The following KIAA1549 variants were observed in gnomAD, a reference collection of about 807,000 sequenced individuals.
The protein encoded by KIAA1549 is UPF0606 protein KIAA1549.
A neutral mutation model predicts 156.4 loss-of-function variants in KIAA1549; 70 were observed. The ratio of observed to expected loss-of-function variants is 0.45; its 90% CI spans 0.37 to 0.55. KIAA1549 has a LOEUF of 0.55. Ranked by LOEUF, KIAA1549 falls within the 20% of genes least tolerant of loss-of-function variation. The pLI, the probability that KIAA1549 is intolerant of heterozygous loss-of-function variation, is 0.00. For synonymous variants in KIAA1549, 1,103 were observed against 1,066.4 expected (o/e 1.03, Z -0.67); for missense variants, 2,428 against 2,540.9 (o/e 0.96, Z 0.96).
chr7:138,854,442 C>T (rs1810324550), intron 16 of KIAA1549, among the ~76,000 whole-genome samples: 1 of 152,168 alleles, frequency 6.6e-6, no homozygotes, highest in African/African-American at 2.4e-5. Context: ...ATACATAACA[C>T]TCCTACCCTC....
intron 14 of KIAA1549, among the ~76,000 whole-genome samples, chr7:138,868,356 G>A (rs1376594470): frequency 6.6e-6 from 1 of 152,200 alleles, no homozygotes; most frequent in African/African-American, 2.4e-5. Context: ...AAAGCCATTT[G>A]TAATCATGAC....
rs1809693288 is a variant in KIAA1549, at chr7:138,835,943, A to T, written c.*1963T>A. 4.7e-6 allele frequency: 1 copy of T among 214,358 alleles called. No homozygotes were observed. Among genetic ancestry groups the T allele is most frequent in the South Asian group, 1.9e-4 (1 of 5,362 alleles). 13.3% of individuals were successfully genotyped at this position (214,358 alleles called of 1,614,324 possible). A position where few individuals can be genotyped will look rare whatever the true frequency, so the allele number is the denominator to read the frequency against. On this transcript the variant is annotated 3_prime_UTR_variant, in exon 20 of 20. Coordinates refer to ENST00000422774, the MANE Select transcript of KIAA1549 (RefSeq NM_001164665.2). ...AGGTGCCCAGATGAAAACTGGCTACATCTTACCTTCCCAGAACCAACTTCC... is the reference window on the plus strand; with the variant it reads ...AGGTGCCCAGATGAAAACTGGCTACTTCTTACCTTCCCAGAACCAACTTCC...
intron 1 of KIAA1549, among the ~76,000 whole-genome samples, chr7:138,924,182 C>CTTTTTTTTTT (rs1233229501): frequency 5.4e-5 from 5 of 92,258 alleles, no homozygotes; most frequent in African/African-American, 1.1e-4. Context: ...CTTTTCTTTT[C>CTTTTTTTTTT]TTTTTTTTTT....
Position 138,916,766 on chromosome 7 carries a change from C to T in KIAA1549, c.2860G>A (p.Ala954Thr). The change falls in exon 2 of 20, where the codon GCC becomes ACC. Residue 954 changes from alanine (A) to threonine (T), a missense_variant. This residue lies in a region of KIAA1549 where 762 missense variants were observed against 901.6 expected (regional missense o/e 0.85). Coordinates refer to ENST00000422774, the MANE Select transcript of KIAA1549 (RefSeq NM_001164665.2). ...GCCTTACCAGTTGTGATCAGATAGGCATCGGGGACTGTGATATCACAAACA... is the reference window on the plus strand; with the variant it reads ...GCCTTACCAGTTGTGATCAGATAGGTATCGGGGACTGTGATATCACAAACA... ...PYVCDITVPD[A>T]YLITTVLARR... 1 of 1,613,948 alleles carries T rather than the reference C, an allele frequency of 6.2e-7. No individual in the cohort carries two copies. The highest frequency in any genetic ancestry group is 8.5e-7 in the Non-Finnish European group (1 of 1,179,844).
At chr7:138,916,635 TG>T in intron 2 of KIAA1549, 112 bp downstream of exon 2, 2 of 1,491,948 alleles carry the variant, frequency 1.3e-6, no homozygotes, top group Non-Finnish European at 1.8e-6. Flanking sequence ...GGGAGTTAAC[TG>T]AGCCCAGCGC....
Position 138,838,057 on chromosome 7 carries a change from C to T in KIAA1549, c.5702G>A (p.Arg1901Gln), listed in dbSNP as rs1218121780. 1.0e-5 allele frequency: 16 copies of T among 1,597,890 alleles called. No individual in the cohort carries two copies. The highest frequency in any genetic ancestry group is 2.3e-5 in the South Asian group (2 of 88,294). The stretch of plus-strand genomic sequence containing the variant: ...ACCCAGCCCAGGGCCCTGCAGTCCC[C>T]GGTGGGGGAGGTTCCCGGAAGGAGC... ...PSAPSGNLPH[R>Q]GLQGPGLGYP... Residue 1901 changes from arginine (R) to glutamine (Q), a missense_variant, in exon 20 of 20, where the codon CGG (arginine) becomes CAG (glutamine). Around this residue, in one of 5 missense-constraint regions of KIAA1549, gnomAD observed 363 missense variants for 354.0 expected, o/e 1.03. Coordinates refer to ENST00000422774, the MANE Select transcript of KIAA1549 (RefSeq NM_001164665.2).
intron 1 of KIAA1549, among the ~76,000 whole-genome samples, chr7:138,932,381 C>A (rs888941835): frequency 6.6e-6 from 1 of 151,098 alleles, no homozygotes; most frequent in Admixed American, 6.6e-5. Context: ...AGAAAGACAG[C>A]ATGTCTGGAA....
chr7:138,869,787 A>C (rs760769411), intron 13 of KIAA1549, 26 bp from the exon 14 acceptor site: 1 of 1,573,552 alleles, frequency 6.4e-7, no homozygotes, highest in African/African-American at 1.3e-5. Flanking sequence ...GGAGAGAAAG[A>C]CAGCCATAGA....
intron 7 of KIAA1549, 83 bp from the exon 8 acceptor site, chr7:138,903,819 G>C (rs1386759306): frequency 3.4e-6 from 1 of 293,334 alleles, no homozygotes; most frequent in Non-Finnish European, 5.6e-6. Context: ...GTGTGTGTGT[G>C]TGTGTGTGTG....
chr7:138,949,394 T>C (rs1367334024), intron 1 of KIAA1549, among the ~76,000 whole-genome samples: 2 of 152,230 alleles, frequency 1.3e-5, no homozygotes, highest in Admixed American at 6.5e-5. Context: ...AATGTCAGGA[T>C]AGACCCGCAT....
chr7:138,881,442 T>C lies in KIAA1549; in HGVS notation c.4175A>G (p.Asp1392Gly), dbSNP rs1811241175. Residue 1392 changes from aspartate (D) to glycine (G), a missense_variant, in exon 11 of 20, where the codon GAC becomes GGC. This residue lies in a region of KIAA1549 where 404 missense variants were observed against 417.0 expected (regional missense o/e 0.97). Coordinates refer to ENST00000422774, the MANE Select transcript of KIAA1549 (RefSeq NM_001164665.2). ...KDHTTPSENG[D>G]VPSPKSKIPS... ...GATCTTTGACTTGGGGCTTGGCACG[T>C]CTCCATTTTCCGAGGGCGTGGTGTG... 3 of 1,614,010 alleles carry C rather than the reference T, an allele frequency of 1.9e-6. No individual in the cohort carries two copies. The highest frequency in any genetic ancestry group is 2.5e-6 in the Non-Finnish European group (3 of 1,179,898).
At chr7:138,936,707 G>C (rs539392041) in intron 1 of KIAA1549, among the ~76,000 whole-genome samples, 1 of 152,088 alleles carries the variant, frequency 6.6e-6, no homozygotes, top group South Asian at 2.1e-4. Context: ...AGTGTCACTA[G>C]AGAACTAGAG....
chr7:138,905,170 T>G (rs1811972319), intron 6 of KIAA1549, 89 bp from the exon 7 acceptor site: 1 of 861,516 alleles, frequency 1.2e-6, no homozygotes. Flanking sequence ...TCGTCTTTAC[T>G]ATTTAGCTCT....
rs774755136 is a variant in KIAA1549, at chr7:138,905,116, T to C, written c.3461-35A>G. The C allele has an allele frequency of 4.9e-6, 7 of 1,426,574 alleles. No individual in the cohort carries two copies. The African/African-American group carries it at 8.5e-5, about 17-fold the overall frequency. The allele number at this position is 1,426,574 out of a possible 1,614,324, so 88.4% of individuals were successfully genotyped here. A position where few individuals can be genotyped will look rare whatever the true frequency, so the allele number is the denominator to read the frequency against. On this transcript the variant is annotated intron_variant, in intron 6 of 19. Transcript: ENST00000422774. Reference sequence around the variant, plus strand: ...GGAAAGAATTAGGGAAGGAGAAAAATATCTGTAAAAACAAAGCCATGTTTA... The same window carrying C: ...GGAAAGAATTAGGGAAGGAGAAAAACATCTGTAAAAACAAAGCCATGTTTA...
At position 138,902,577 on chromosome 7, in the gene KIAA1549, G is replaced by A. The variant is rs139557522; in HGVS notation, c.3669+1011C>T. ...GAGTATGGGCATTTTTAAATGGGTCGCATTTCAATTCAAACAAATCTGTCT... is the reference window on the plus strand; with the variant it reads ...GAGTATGGGCATTTTTAAATGGGTCACATTTCAATTCAAACAAATCTGTCT... On this transcript the variant is annotated intron_variant, in intron 8 of 19. Coordinates refer to ENST00000422774, the MANE Select transcript of KIAA1549 (RefSeq NM_001164665.2). Among the ~76,000 whole-genome samples, 424 of 152,216 alleles carry A rather than the reference G, an allele frequency of 2.8e-3. 5 individuals carry two copies. The highest frequency in any genetic ancestry group is 9.7e-3 in the African/African-American group (401 of 41,528).
intron 1 of KIAA1549, among the ~76,000 whole-genome samples, chr7:138,939,991 A>AT (rs780140255): frequency 5.3e-5 from 8 of 151,372 alleles, no homozygotes; most frequent in Middle Eastern, 3.4e-3. Flanking sequence ...TACAAAAAAA[A>AT]TTTTTTTTTT....
chr7:138,937,397 T>C (rs1483009788), intron 1 of KIAA1549, among the ~76,000 whole-genome samples: 1 of 152,170 alleles, frequency 6.6e-6, no homozygotes, highest in African/African-American at 2.4e-5. Flanking sequence ...GACTAACATG[T>C]CCATTCATTC....
At chr7:138,963,348 T>G (rs953133569) in intron 1 of KIAA1549, among the ~76,000 whole-genome samples, 1 of 152,104 alleles carries the variant, frequency 6.6e-6, no homozygotes, top group Non-Finnish European at 1.5e-5. Flanking sequence ...CCACTGAGAT[T>G]TGGAAACTTT....
In KIAA1549 at chr7:138,918,519, C is replaced by T. The variant is rs370830770; in HGVS notation, c.1107G>A (p.Ala369=). 1.1e-5 allele frequency: 18 copies of T among 1,613,820 alleles called. No homozygotes were observed. Among genetic ancestry groups the T allele is most frequent in the African/African-American group, 2.7e-5 (2 of 74,882 alleles). ...AAACATCAGTTGGTGAAGCAGAGGA[C>T]GCAAATGCAAGAGGAGTTGAAAGCA... The part of the protein sequence containing the change: ...SPLLSTPLAF[A]SSASPTDVSS... Residue 369 remains alanine, a synonymous_variant, in exon 2 of 20, where the codon GCG becomes GCA. Transcript: ENST00000422774. This position sits in a 1 kb window ranked among gnomAD's most constrained non-coding sequence, Gnocchi z 4.2.
Sources: gnomAD v4.1 joint callset for allele counts (sites outside exome capture counted in the v4.1 genomes callset) on GRCh38, gnomAD v4.1.1 for gene constraint, gnomAD v4.1.1 regional missense constraint, Gnocchi (gnomAD v3.1) non-coding constraint, MANE v1.5 for transcripts, NCBI Gene and HGNC (gene_info 2026-07-23, HGNC 2026-07-21) for gene names.